The following SIRPD variants were observed in gnomAD, a reference collection of about 807,000 sequenced individuals.
The protein encoded by SIRPD is signal regulatory protein delta.
Under a neutral mutation model 18.0 loss-of-function variants are expected in SIRPD, and 21 were observed. That is an observed-to-expected ratio of 1.17 (90% confidence interval 0.83 to 1.68). The LOEUF (loss-of-function observed/expected upper bound fraction) is 1.68. Ranked by LOEUF, SIRPD falls within the 40% of genes most tolerant of loss-of-function variation. The pLI, the probability that SIRPD is intolerant of heterozygous loss-of-function variation, is 0.00. For missense variants in SIRPD, 295 were observed against 238.4 expected (o/e 1.24, Z -1.56); for synonymous variants, 106 against 92.9 (o/e 1.14, Z -0.81).
chr20:1,549,848 A>G (rs1284138445), intron 2 of SIRPD, among the ~76,000 whole-genome samples: 4 of 152,154 alleles, frequency 2.6e-5, no homozygotes, highest in Non-Finnish European at 4.4e-5. Flanking sequence ...TGTATCCATT[A>G]GTTACACCAA....
chr20:1,535,833 T>A (rs981874442), intron 3 of SIRPD, among the ~76,000 whole-genome samples: 1 of 152,218 alleles, frequency 6.6e-6, no homozygotes, highest in African/African-American at 2.4e-5. Context: ...AACTTCCTCT[T>A]GCAATTTTGT....
At chr20:1,536,774 G>A (rs2090947364) in intron 3 of SIRPD, among the ~76,000 whole-genome samples, 1 of 152,096 alleles carries the variant, frequency 6.6e-6, no homozygotes, top group African/African-American at 2.4e-5. Flanking sequence ...TGGGGACCAA[G>A]GGGTCAAATG....
rs561909561 is a variant in SIRPD, at chr20:1,540,577, T to C, written c.422-3267A>G. ...CATAAGAAATGTTCTGTCTTTAATC[T>C]ACTTTCTGTCTCTATAGATTTGCCT... On this transcript the variant is annotated intron_variant, in intron 2 of 3. Transcript: ENST00000381623. Among the ~76,000 whole-genome samples the C allele has an allele frequency of 2.0e-5, 3 of 152,366 alleles. No homozygotes were observed. In the East Asian group the frequency reaches 5.8e-4, roughly 29 times the overall value.
At position 1,534,338 on chromosome 20, in the gene SIRPD, GAA is replaced by G. The variant is rs1369599483; in HGVS notation, c.*85_*86del. On this transcript the variant is annotated 3_prime_UTR_variant, in exon 4 of 4. Coordinates refer to ENST00000381623, the MANE Select transcript of SIRPD (RefSeq NM_178460.3). ...GAAAGCTCTCTTGAAGAAGGCAAAT[GAA>G]ACTCCTAAAAAGTAGCTGTCTCCAG... The G allele has an allele frequency of 8.9e-6, 14 of 1,572,746 alleles. No homozygotes were observed. The Admixed American group carries it at 2.4e-4, about 27-fold the overall frequency.
At chr20:1,556,972 G>A (rs190546344) in intron 1 of SIRPD, among the ~76,000 whole-genome samples, 1 of 152,218 alleles carries the variant, frequency 6.6e-6, no homozygotes, top group Non-Finnish European at 1.5e-5. Flanking sequence ...TCTGCCAGGG[G>A]CCAGGTGTGG....
At chr20:1,557,483 C>G (rs1307977176) in intron 1 of SIRPD, 98 bp downstream of exon 1, 1 of 1,104,516 alleles carries the variant, frequency 9.1e-7, no homozygotes, top group African/African-American at 1.6e-5. Context: ...ATGGAGAAAA[C>G]CCTCCCAAAA....
chr20:1,556,391 A>C (rs993202243), intron 1 of SIRPD, among the ~76,000 whole-genome samples: 1 of 152,236 alleles, frequency 6.6e-6, no homozygotes, highest in Non-Finnish European at 1.5e-5. Flanking sequence ...TACCCTTCCT[A>C]TGTATAAAGC....
At chr20:1,548,368 T>A (rs544157802) in intron 2 of SIRPD, among the ~76,000 whole-genome samples, 2 of 152,248 alleles carry the variant, frequency 1.3e-5, no homozygotes, top group South Asian at 4.1e-4. Flanking sequence ...GAGAGGATTA[T>A]GTGGTTTTCT....
intron 1 of SIRPD, 139 bp downstream of exon 1, chr20:1,557,442 G>T: frequency 1.5e-6 from 1 of 652,254 alleles, no homozygotes. Flanking sequence ...TCCCAGTGTA[G>T]TCTTCTGAGT....
chr20:1,542,602 C>T lies in SIRPD; in HGVS notation c.422-5292G>A, dbSNP rs183991633. 2.4e-3 allele frequency among the ~76,000 whole-genome samples: 359 copies of T among 152,292 alleles called. 2 individuals carry two copies. Among genetic ancestry groups the T allele is most frequent in the Non-Finnish European group, 1.9e-3 (128 of 68,026 alleles). On this transcript the variant is annotated intron_variant, in intron 2 of 3. Coordinates refer to ENST00000381623, the MANE Select transcript of SIRPD (RefSeq NM_178460.3). ...TCTGTAAACAGAAACAATTTGACTT[C>T]CTCTCTTCCTATTTGAATACCCTTT...
intron 2 of SIRPD, among the ~76,000 whole-genome samples, chr20:1,547,334 C>G (rs1440175547): frequency 6.6e-6 from 1 of 152,216 alleles, no homozygotes; most frequent in African/African-American, 2.4e-5. Flanking sequence ...TTTCTGGACT[C>G]TCTCTTTTCC....
At chr20:1,543,897 G>T (rs2090982552) in intron 2 of SIRPD, among the ~76,000 whole-genome samples, 1 of 152,204 alleles carries the variant, frequency 6.6e-6, no homozygotes, top group Non-Finnish European at 1.5e-5. Context: ...GGAGCAGGTT[G>T]TTCAGTTTCC....
At chr20:1,556,996 T>A (rs1396520814) in intron 1 of SIRPD, among the ~76,000 whole-genome samples, 3 of 152,196 alleles carry the variant, frequency 2.0e-5, no homozygotes, top group African/African-American at 7.2e-5. Flanking sequence ...CTCACGCCTA[T>A]AATGCGAGCA....
intron 2 of SIRPD, among the ~76,000 whole-genome samples, chr20:1,539,754 A>G (rs898067047): frequency 3.3e-5 from 5 of 152,150 alleles, no homozygotes; most frequent in Non-Finnish European, 5.9e-5. Context: ...TCTTGAGGAG[A>G]AGCAGCTGCC....
At position 1,551,951 on chromosome 20, in the gene SIRPD, G is replaced by C. The variant is rs770346604; in HGVS notation, c.161C>G (p.Pro54Arg). 2.5e-6 allele frequency: 4 copies of C among 1,614,024 alleles called. No individual in the cohort carries two copies. Among genetic ancestry groups the C allele is most frequent in the Non-Finnish European group, 3.4e-6 (4 of 1,179,980 alleles). ...GACAGGTCCATTTGGTAAGGTATTG[G>C]GTACGCTGCAACTCAAGATGATTGA... is the stretch of plus-strand genomic sequence containing the variant. ...GESIILSCSV[P>R]NTLPNGPVLW... is the part of the protein sequence containing the mutation. Residue 54 changes from proline (P) to arginine (R), a missense_variant, in exon 2 of 4, where the codon CCC becomes CGC. Coordinates refer to ENST00000381623, the MANE Select transcript of SIRPD (RefSeq NM_178460.3).
chr20:1,540,761 G>T (rs1001870233), intron 2 of SIRPD, among the ~76,000 whole-genome samples: 2 of 152,134 alleles, frequency 1.3e-5, no homozygotes, highest in African/African-American at 4.8e-5. Flanking sequence ...TCTACATTAG[G>T]TATTTCTCCT....
At chr20:1,542,789 T>A (rs906605106) in intron 2 of SIRPD, among the ~76,000 whole-genome samples, 2 of 152,238 alleles carry the variant, frequency 1.3e-5, no homozygotes, top group Admixed American at 6.5e-5. Context: ...TAGCTCTTAC[T>A]ATTTTGAGCT....
chr20:1,552,143 A>T, intron 1 of SIRPD, 105 bp from the exon 2 acceptor site: 1 of 912,968 alleles, frequency 1.1e-6, no homozygotes, highest in Non-Finnish European at 1.7e-6. Context: ...TGACATGCGC[A>T]AATGCCCATG....
intron 2 of SIRPD, among the ~76,000 whole-genome samples, chr20:1,545,485 C>T (rs1429150055): frequency 1.3e-5 from 2 of 152,188 alleles, no homozygotes; most frequent in Non-Finnish European, 2.9e-5. Flanking sequence ...ATGTTCTTCT[C>T]TAAACTGGTT....
Sources: allele counts gnomAD v4.1 joint callset (sites outside exome capture counted in the v4.1 genomes callset), GRCh38; gene constraint gnomAD v4.1.1; transcripts MANE v1.5; gene names NCBI Gene and HGNC (gene_info 2026-07-23, HGNC 2026-07-21).